PAG1: variants seen among roughly 807,000 people sequenced by gnomAD.
The protein encoded by PAG1 is phosphoprotein membrane anchor with glycosphingolipid microdomains 1, also known as phosphoprotein associated with glycosphingolipid-enriched microdomains 1.
PAG1 carries 23 observed loss-of-function variants against 31.7 expected under a neutral mutation model. That is an observed-to-expected ratio of 0.73 (90% CI 0.52 to 1.03). The LOEUF (loss-of-function observed/expected upper bound fraction) is 1.03, where lower values mean the gene tolerates loss of function less well. Ranked by LOEUF, PAG1 falls within the 50% of genes least tolerant of loss-of-function variation. PAG1 has a pLI of 0.00. For synonymous variants in PAG1, 214 were observed against 210.3 expected (o/e 1.02, Z -0.15); for missense variants, 473 against 540.7 (o/e 0.87, Z 1.24).
chr8:80,985,519 C>A, intron 6 of PAG1, 142 bp from the exon 7 acceptor site: 1 of 770,364 alleles, frequency 1.3e-6, no homozygotes, highest in Non-Finnish European at 2.0e-6. Context: ...TTGTTATGAC[C>A]ATCAGTTGGT....
chr8:81,066,887 A>G (rs2130950312), intron 2 of PAG1, among the ~76,000 whole-genome samples: 1 of 152,312 alleles, frequency 6.6e-6, no homozygotes, highest in South Asian at 2.1e-4. Flanking sequence ...GAGGCTGGGC[A>G]TGGTGGTTCA....
chr8:81,091,698 TATAA>T (rs949508366), intron 1 of PAG1, among the ~76,000 whole-genome samples: 9 of 152,162 alleles, frequency 5.9e-5, no homozygotes, highest in African/African-American at 9.7e-5. Flanking sequence ...TACATACATA[TATAA>T]ATAAACAATT....
intron 1 of PAG1, among the ~76,000 whole-genome samples, chr8:81,104,041 A>G (rs1201355666): frequency 1.3e-5 from 2 of 152,048 alleles, no homozygotes; most frequent in African/African-American, 4.8e-5. Flanking sequence ...GCTTCTTGAG[A>G]TCGAAATTCA....
intron 3 of PAG1, among the ~76,000 whole-genome samples, chr8:81,025,389 G>A (rs1186699319): frequency 2.6e-5 from 4 of 152,034 alleles, no homozygotes; most frequent in Non-Finnish European, 5.9e-5. Flanking sequence ...CTCTTTTGGG[G>A]GCGCCCAAAT....
In PAG1 at chr8:80,968,657, G is replaced by A. The variant is rs1468472540; in HGVS notation, c.*7887C>T. On this transcript the variant is annotated 3_prime_UTR_variant, in exon 9 of 9. Coordinates refer to ENST00000220597, the MANE Select transcript of PAG1 (RefSeq NM_018440.4). ...AGTTTCTTTTCCTAGTTAAAACAAA[G>A]TAGATGTCTTTACAAGAAATATATT... 6.6e-6 allele frequency: 1 copy of A among 152,154 alleles called. No homozygotes were observed. The highest frequency in any genetic ancestry group is 1.5e-5 in the Non-Finnish European group (1 of 68,036). The allele number at this position is 152,154 out of a possible 1,614,324, so 9.4% of individuals were successfully genotyped here. A position where few individuals can be genotyped will look rare whatever the true frequency, so the allele number is the denominator to read the frequency against.
chr8:80,978,319 G>T (rs1248027426), intron 8 of PAG1, among the ~76,000 whole-genome samples: 1 of 152,028 alleles, frequency 6.6e-6, no homozygotes, highest in Non-Finnish European at 1.5e-5. Flanking sequence ...CAGAATACAA[G>T]AATTATAATT....
intron 8 of PAG1, among the ~76,000 whole-genome samples, chr8:80,978,636 T>C (rs1807233092): frequency 1.3e-5 from 2 of 152,196 alleles, no homozygotes; most frequent in Non-Finnish European, 2.9e-5. Flanking sequence ...TTTGTAAGAG[T>C]ACTTGGTCTT....
At chr8:81,033,893 T>C (rs1005229863) in intron 2 of PAG1, among the ~76,000 whole-genome samples, 6 of 152,338 alleles carry the variant, frequency 3.9e-5, no homozygotes, top group African/African-American at 1.4e-4. Flanking sequence ...AAGGAGTGTT[T>C]TCTCGAGGTT....
In PAG1 at chr8:80,976,468, T is replaced by A; in HGVS notation, c.*76A>T. On this transcript the variant is annotated 3_prime_UTR_variant, in exon 9 of 9. Coordinates refer to ENST00000220597, the MANE Select transcript of PAG1 (RefSeq NM_018440.4). Reference sequence around the variant, plus strand: ...AAGCAGCATATGAAGTATAGGTTTGTGTCACTTCTTCTCTTCCACAGAAGA... The same window carrying A: ...AAGCAGCATATGAAGTATAGGTTTGAGTCACTTCTTCTCTTCCACAGAAGA... The A allele has an allele frequency of 1.4e-6, 2 of 1,417,340 alleles. No homozygotes were observed. Among genetic ancestry groups the A allele is most frequent in the East Asian group, 4.6e-5 (2 of 43,900 alleles). The allele number at this position is 1,417,340 out of a possible 1,614,324, so 87.8% of individuals were successfully genotyped here.
At chr8:80,978,018 T>C (rs1807218888) in intron 8 of PAG1, among the ~76,000 whole-genome samples, 2 of 152,192 alleles carry the variant, frequency 1.3e-5, no homozygotes, top group East Asian at 1.9e-4. Context: ...TTTTCTCACA[T>C]ACTGCAGGTG....
chr8:81,050,625 A>G (rs1808713029), intron 2 of PAG1, among the ~76,000 whole-genome samples: 1 of 152,228 alleles, frequency 6.6e-6, no homozygotes, highest in Admixed American at 6.5e-5. Context: ...GTATTTGTCT[A>G]TAAGTTAATT....
At chr8:81,006,956 C>T (rs1228603332) in intron 3 of PAG1, among the ~76,000 whole-genome samples, 2 of 152,102 alleles carry the variant, frequency 1.3e-5, no homozygotes, top group African/African-American at 4.8e-5. Flanking sequence ...GTCACTCTAC[C>T]CCCAATTTCC....
intron 3 of PAG1, among the ~76,000 whole-genome samples, chr8:81,021,550 TTG>T (rs1259238596): frequency 6.9e-6 from 1 of 144,806 alleles, no homozygotes; most frequent in East Asian, 2.0e-4. Flanking sequence ...GCCTCTGTGT[TTG>T]TGTGTGTGTG....
chr8:81,053,013 C>T (rs540369727), intron 2 of PAG1, among the ~76,000 whole-genome samples: 1 of 152,160 alleles, frequency 6.6e-6, no homozygotes, highest in Non-Finnish European at 1.5e-5. Context: ...TTACAATGCT[C>T]TTCTGTGCTC....
chr8:81,004,533 A>G (rs905951902), intron 3 of PAG1, among the ~76,000 whole-genome samples: 1 of 152,246 alleles, frequency 6.6e-6, no homozygotes, highest in African/African-American at 2.4e-5. Context: ...TTGGACCACT[A>G]TAAACTTTGC....
At chr8:80,996,923 A>G (rs1258161947) in intron 3 of PAG1, among the ~76,000 whole-genome samples, 2 of 150,536 alleles carry the variant, frequency 1.3e-5, no homozygotes, top group African/African-American at 5.0e-5. Context: ...GCTACCCTGA[A>G]CAGGAAGGTC....
At chr8:81,105,221 G>A (rs1217075696) in intron 1 of PAG1, among the ~76,000 whole-genome samples, 1 of 152,130 alleles carries the variant, frequency 6.6e-6, no homozygotes, top group Non-Finnish European at 1.5e-5. Context: ...GCTGCTCAGT[G>A]TCTCCTTCCC....
chr8:81,018,678 CT>C, intron 3 of PAG1, among the ~76,000 whole-genome samples: 2 of 152,212 alleles, frequency 1.3e-5, no homozygotes, highest in African/African-American at 4.8e-5. Context: ...GCCTTTGCTT[CT>C]TCTTTGCCTT....
At chr8:81,026,957 G>T (rs1268879672) in intron 3 of PAG1, among the ~76,000 whole-genome samples, 2 of 152,144 alleles carry the variant, frequency 1.3e-5, no homozygotes, top group East Asian at 3.8e-4. Context: ...AGCCTTGGTG[G>T]TTTTTTCTTG....
Sources: allele counts gnomAD v4.1 joint callset (sites outside exome capture counted in the v4.1 genomes callset), GRCh38; gene constraint gnomAD v4.1.1; transcripts MANE v1.5; gene names NCBI Gene and HGNC (gene_info 2026-07-23, HGNC 2026-07-21).